C3orf22: variants seen among roughly 807,000 people sequenced by gnomAD.
The protein encoded by C3orf22 is uncharacterized protein C3orf22.
C3orf22 carries 7 observed loss-of-function variants against 10.8 expected under a neutral mutation model. The observed-to-expected ratio is 0.65, with a 90% CI of 0.37 to 1.22. The LOEUF is 1.22. Among genes scored for constraint, C3orf22 ranks in the 50% most tolerant of loss-of-function variants. C3orf22 has a pLI of 0.02. For synonymous variants in C3orf22, 79 were observed against 78.9 expected, an observed-to-expected ratio of 1.00 and a Z score of 0.00; for missense variants, 173 against 177.0, an observed-to-expected ratio of 0.98 and a Z score of 0.13.
chr3:126,533,323 G>C (rs1315465592), intron 4 of C3orf22, among the ~76,000 whole-genome samples: 1 of 152,168 alleles, frequency 6.6e-6, no homozygotes, highest in Non-Finnish European at 1.5e-5. Flanking sequence ...TAGGGAGAAA[G>C]CTTCCAGTCT....
At position 126,549,824 on chromosome 3, in the gene C3orf22, A is replaced by T; in HGVS notation, c.*44T>A. On this transcript the variant is annotated 3_prime_UTR_variant, in exon 4 of 4. Transcript: ENST00000318225. ...TGTGGCTACTGCCCAGAGCCTGCCA[A>T]GGAGAAGGTGGCCAATAAGAAGGCC... 6.3e-7 allele frequency: 1 copy of T among 1,575,314 alleles called. No homozygotes were observed.
At chr3:126,539,538 C>T (rs1219042872) in intron 4 of C3orf22, among the ~76,000 whole-genome samples, 3 of 145,864 alleles carry the variant, frequency 2.1e-5, no homozygotes, top group Non-Finnish European at 4.5e-5. Flanking sequence ...ATGCACACAC[C>T]ACACACACCG....
intron 4 of C3orf22, chr3:126,541,970 G>C (rs749955300): frequency 1.3e-6 from 2 of 1,577,744 alleles, no homozygotes; most frequent in East Asian, 4.7e-5. Flanking sequence ...CGCCATCTCC[G>C]CGCAAGAGGC....
chr3:126,542,804 T>G, intron 4 of C3orf22: 1 of 477,214 alleles, frequency 2.1e-6, no homozygotes, highest in Non-Finnish European at 3.4e-6. Context: ...TGAGGCCTGC[T>G]TCCTCCACTT....
chr3:126,545,529 TTAAAA>T (rs1338989102), downstream of C3orf22, among the ~76,000 whole-genome samples: 2 of 152,256 alleles, frequency 1.3e-5, no homozygotes, highest in Non-Finnish European at 2.9e-5. Flanking sequence ...TGCTTAAAAT[TTAAAA>T]TAAATCCCTG....
intron 4 of C3orf22, among the ~76,000 whole-genome samples, chr3:126,530,640 GT>G (rs1445435445): frequency 3.1e-4 from 47 of 152,372 alleles, no homozygotes; most frequent in African/African-American, 1.1e-3. Flanking sequence ...GCTCCCCATG[GT>G]TGCTGCTAGA....
In C3orf22 at chr3:126,531,035, A is replaced by G. The variant is rs191818306; in HGVS notation, c.287-1663T>C. Among the ~76,000 whole-genome samples the G allele has an allele frequency of 3.2e-3, 489 of 152,390 alleles. 2 individuals are homozygous for G. The highest frequency in any genetic ancestry group is 4.2e-3 in the Non-Finnish European group (289 of 68,044). On this transcript the variant is annotated intron_variant and NMD_transcript_variant, in intron 4 of 5. Transcript: ENST00000505070. The stretch of plus-strand genomic sequence containing the variant: ...CTTTAGGGTTCTGGAGGCCAGTGCA[A>G]GGCCCGTCCAGCTGCCATCTATTCC...
At chr3:126,554,551 A>T (rs1937282463) in intron 1 of C3orf22, among the ~76,000 whole-genome samples, 1 of 152,144 alleles carries the variant, frequency 6.6e-6, no homozygotes, top group Admixed American at 6.5e-5. Context: ...GGCGTGAGCC[A>T]CCGCGCCTGG....
chr3:126,551,933 G>T, intron 3 of C3orf22, 64 bp downstream of exon 3: 1 of 1,526,230 alleles, frequency 6.6e-7, no homozygotes, highest in Non-Finnish European at 8.8e-7. Flanking sequence ...CAAAACTGGG[G>T]GACAGAAAGC....
At position 126,549,692 on chromosome 3, in the gene C3orf22, T is replaced by C; in HGVS notation, c.*176A>G. 1 of 1,525,708 alleles carries C rather than the reference T, an allele frequency of 6.6e-7. No individual in the cohort carries two copies. Among genetic ancestry groups the C allele is most frequent in the Non-Finnish European group, 8.8e-7 (1 of 1,140,516 alleles). 94.5% of individuals were successfully genotyped at this position (1,525,708 alleles called of 1,614,324 possible). A position where few individuals can be genotyped will look rare whatever the true frequency, so the allele number is the denominator to read the frequency against. ...GCAAAGTGATCATTCCAGCTGGAAG[T>C]GGGGTGGGAACTCGCAGTTTATTAG... On this transcript the variant is annotated 3_prime_UTR_variant, in exon 4 of 4. Coordinates refer to ENST00000318225, the MANE Select transcript of C3orf22 (RefSeq NM_152533.3).
chr3:126,549,394 C>T, downstream of C3orf22: 1 of 383,186 alleles, frequency 2.6e-6, no homozygotes, highest in Admixed American at 3.1e-5. Flanking sequence ...TAAAGAGCTG[C>T]CTCTACATTT....
At chr3:126,557,058 TCA>T (rs1188622082) in intron 1 of C3orf22, among the ~76,000 whole-genome samples, 4 of 149,562 alleles carry the variant, frequency 2.7e-5, no homozygotes. Context: ...ATACACAGAC[TCA>T]CACATTCACA....
chr3:126,529,831 G>A (rs540108181), intron 4 of C3orf22, among the ~76,000 whole-genome samples: 1 of 152,196 alleles, frequency 6.6e-6, no homozygotes, highest in South Asian at 2.1e-4. Flanking sequence ...CTTTTTCTAA[G>A]CAGTCACCGC....
At chr3:126,539,163 C>A (rs1262422550) in intron 4 of C3orf22, among the ~76,000 whole-genome samples, 1 of 152,092 alleles carries the variant, frequency 6.6e-6, no homozygotes, top group Non-Finnish European at 1.5e-5. Context: ...TTCAAGGAAC[C>A]CCCACCTTCC....
intron 4 of C3orf22, among the ~76,000 whole-genome samples, chr3:126,539,634 C>CAGAGAGTGGGTTAAATTTG (rs1936885344): frequency 7.3e-6 from 1 of 137,128 alleles, no homozygotes; most frequent in African/African-American, 2.7e-5. Flanking sequence ...CACACACACA[C>CAGAGAGTGGGTTAAATTTG]CCCACACACC....
chr3:126,557,989 T>A (rs755837521), intron 1 of C3orf22, among the ~76,000 whole-genome samples: 144,689 of 152,160 alleles, frequency 0.95, 68,895 homozygotes, highest in East Asian at 1. Flanking sequence ...AGGCCCCAGC[T>A]CAGCCCCTTC....
chr3:126,540,234 A>C (rs1410030955), intron 4 of C3orf22, among the ~76,000 whole-genome samples: 1 of 152,186 alleles, frequency 6.6e-6, no homozygotes, highest in African/African-American at 2.4e-5. Flanking sequence ...CTGAGAACTC[A>C]CATACCATAC....
intron 4 of C3orf22, among the ~76,000 whole-genome samples, chr3:126,535,661 G>A (rs1454028685): frequency 2.0e-5 from 3 of 152,228 alleles, no homozygotes; most frequent in African/African-American, 4.8e-5. Flanking sequence ...GTCCTCAGCT[G>A]GAGACAGACA....
At chr3:126,556,141 G>A (rs1218647754) in intron 1 of C3orf22, among the ~76,000 whole-genome samples, 2 of 152,208 alleles carry the variant, frequency 1.3e-5, no homozygotes, top group Non-Finnish European at 2.9e-5. Context: ...CCTGAGATTT[G>A]CAGCAGATGC....
Sources: gnomAD v4.1 joint callset for allele counts (sites outside exome capture counted in the v4.1 genomes callset) on GRCh38, gnomAD v4.1.1 for gene constraint, MANE v1.5 for transcripts, NCBI Gene and HGNC (gene_info 2026-07-23, HGNC 2026-07-21) for gene names.